UBE2E3: variants seen among roughly 807,000 people sequenced by gnomAD.
The protein encoded by UBE2E3 is ubiquitin-conjugating enzyme E2 E3.
Under a neutral mutation model 23.6 loss-of-function variants are expected in UBE2E3, and 5 were observed. The observed-to-expected ratio is 0.21, with a 90% CI of 0.11 to 0.44. UBE2E3 has a LOEUF of 0.44. Ranked by LOEUF, UBE2E3 falls within the 20% of genes least tolerant of loss-of-function variation. The pLI is 0.99. For missense variants in UBE2E3, 81 were observed against 249.8 expected (o/e 0.32, Z 4.55); for synonymous variants, 78 against 87.5 (o/e 0.89, Z 0.60).
intron 3 of UBE2E3, among the ~76,000 whole-genome samples, chr2:181,055,331 T>G (rs1686959272): frequency 6.6e-6 from 1 of 151,772 alleles, no homozygotes; most frequent in Non-Finnish European, 1.5e-5. Flanking sequence ...AAATGGATGA[T>G]GATTCAAGAC....
At chr2:181,026,065 A>G (rs1373916179) in intron 3 of UBE2E3, among the ~76,000 whole-genome samples, 1 of 151,932 alleles carries the variant, frequency 6.6e-6, no homozygotes, top group East Asian at 1.9e-4. Flanking sequence ...AGTTAATACA[A>G]TGACAGTAGA....
chr2:180,987,009 A>G (rs1684492468), intron 3 of UBE2E3, among the ~76,000 whole-genome samples: 1 of 152,096 alleles, frequency 6.6e-6, no homozygotes, highest in South Asian at 2.1e-4. Flanking sequence ...ATGGCTTTAT[A>G]CATGTTTTAA....
At chr2:181,024,312 G>A (rs532367388) in intron 3 of UBE2E3, among the ~76,000 whole-genome samples, 6 of 152,100 alleles carry the variant, frequency 3.9e-5, no homozygotes, top group South Asian at 2.1e-4. Context: ...ACCAGATTAC[G>A]AAAAAGTAAG....
intron 3 of UBE2E3, among the ~76,000 whole-genome samples, chr2:181,023,187 A>G (rs1278239478): frequency 6.6e-6 from 1 of 152,246 alleles, no homozygotes; most frequent in Non-Finnish European, 1.5e-5. Context: ...AACATCAGGA[A>G]CCATCTTTAT....
chr2:180,994,118 A>G (rs544214900), intron 3 of UBE2E3, among the ~76,000 whole-genome samples: 1 of 152,254 alleles, frequency 6.6e-6, no homozygotes, highest in African/African-American at 2.4e-5. Context: ...TCCTTGTAAA[A>G]TTTTAAAAGA....
intron 3 of UBE2E3, among the ~76,000 whole-genome samples, chr2:181,006,542 T>TTA (rs1301487837): frequency 1.3e-5 from 2 of 152,080 alleles, no homozygotes; most frequent in Non-Finnish European, 2.9e-5. Context: ...TGGAGCACAC[T>TTA]TATATGCATG....
chr2:181,022,848 C>G (rs138910435), intron 3 of UBE2E3, among the ~76,000 whole-genome samples: 74 of 152,240 alleles, frequency 4.9e-4, no homozygotes, highest in African/African-American at 1.7e-3. Context: ...TGCGCATTGT[C>G]TGTAAATGAC....
intron 3 of UBE2E3, among the ~76,000 whole-genome samples, chr2:181,043,379 T>A (rs1430373955): frequency 2.0e-5 from 3 of 152,174 alleles, no homozygotes; most frequent in Non-Finnish European, 4.4e-5. Context: ...TTCTGATGGC[T>A]TAGTGTGTTC....
chr2:181,029,925 C>T (rs935917208), intron 3 of UBE2E3, among the ~76,000 whole-genome samples: 3 of 150,978 alleles, frequency 2.0e-5, no homozygotes, highest in Non-Finnish European at 4.4e-5. Context: ...CAACCTCTGC[C>T]TCCAGGGTTC....
chr2:181,000,541 A>T (rs973305918), intron 3 of UBE2E3, among the ~76,000 whole-genome samples: 4 of 149,570 alleles, frequency 2.7e-5, no homozygotes, highest in Non-Finnish European at 5.9e-5. Context: ...CCAGGATTAG[A>T]CCTTAAAGAA....
chr2:181,032,894 C>T (rs935082826), intron 3 of UBE2E3, among the ~76,000 whole-genome samples: 7 of 152,244 alleles, frequency 4.6e-5, no homozygotes, highest in South Asian at 2.1e-4. Flanking sequence ...CAATAACAGA[C>T]GCAGAGCCAA....
At chr2:180,995,655 GTA>G (rs1291067459) in intron 3 of UBE2E3, among the ~76,000 whole-genome samples, 1 of 151,740 alleles carries the variant, frequency 6.6e-6, no homozygotes, top group African/African-American at 2.4e-5. Flanking sequence ...GATTTCTGTG[GTA>G]TAGTTTAATA....
At chr2:181,022,899 A>G (rs1017719524) in intron 3 of UBE2E3, among the ~76,000 whole-genome samples, 2 of 151,750 alleles carry the variant, frequency 1.3e-5, no homozygotes, top group South Asian at 2.1e-4. Context: ...TACAAATACC[A>G]GATGTCCTTC....
chr2:181,048,166 A>G (rs1246998221), intron 3 of UBE2E3, among the ~76,000 whole-genome samples: 1 of 151,750 alleles, frequency 6.6e-6, no homozygotes, highest in African/African-American at 2.4e-5. Flanking sequence ...TCTCTCTAAC[A>G]TTTCCCCGGC....
rs1574148520 is a variant in UBE2E3, at chr2:180,980,858, T to TC, written c.-138dup. The TC allele has an allele frequency of 6.8e-6, 1 of 146,464 alleles. No homozygotes were observed. The highest frequency in any genetic ancestry group is 1.5e-5 in the Non-Finnish European group (1 of 66,436). The allele number at this position is 146,464 out of a possible 1,614,324, so 9.1% of individuals were successfully genotyped here. A position where few individuals can be genotyped will look rare whatever the true frequency, so the allele number is the denominator to read the frequency against. ...CCAGAGCCTCCTCGGCTTCTTTTTTTCCCTCCCCCCCCTTCCCCCCCCCAC... is the reference window on the plus strand; with the variant it reads ...CCAGAGCCTCCTCGGCTTCTTTTTTTCCCCTCCCCCCCCTTCCCCCCCCCAC... On this transcript the variant is annotated 5_prime_UTR_variant, in exon 1 of 6. An upstream open reading frame in the 5' UTR gains an earlier in-frame stop. Transcript: ENST00000410062. This position sits in a 1 kb window ranked among gnomAD's most constrained non-coding sequence, Gnocchi z 5.5.
intron 3 of UBE2E3, among the ~76,000 whole-genome samples, chr2:181,038,601 T>A (rs2105660939): frequency 6.6e-6 from 1 of 152,268 alleles, no homozygotes; most frequent in South Asian, 2.1e-4. Context: ...ATAAAATAAT[T>A]GGCAGGTGGA....
At chr2:181,057,900 G>T in intron 4 of UBE2E3, 75 bp downstream of exon 4, 1 of 1,409,554 alleles carries the variant, frequency 7.1e-7, no homozygotes, top group South Asian at 1.4e-5. Flanking sequence ...ACTTAAATGT[G>T]TATTGATGCA....
intron 3 of UBE2E3, among the ~76,000 whole-genome samples, chr2:181,000,626 C>G (rs560541897): frequency 1.3e-5 from 2 of 150,850 alleles, no homozygotes; most frequent in South Asian, 4.2e-4. Context: ...TTGATCTCAG[C>G]TCACTGCAAG....
intron 3 of UBE2E3, among the ~76,000 whole-genome samples, chr2:181,025,204 C>T (rs921473320): frequency 2.0e-5 from 3 of 151,942 alleles, no homozygotes; most frequent in Non-Finnish European, 4.4e-5. Flanking sequence ...AACCAGACTA[C>T]TTTGCACAAT....
Sources: gnomAD v4.1 joint callset for allele counts (sites outside exome capture counted in the v4.1 genomes callset) on GRCh38, gnomAD v4.1.1 for gene constraint, Gnocchi (gnomAD v3.1) non-coding constraint, MANE v1.5 for transcripts, NCBI Gene and HGNC (gene_info 2026-07-23, HGNC 2026-07-21) for gene names.